LEO1: variants seen among roughly 807,000 people sequenced by gnomAD.
LEO1 encodes LEO1 component of Paf1/RNA polymerase II complex.
Under a neutral mutation model 80.4 loss-of-function variants are expected in LEO1, and 34 were observed. The ratio of observed to expected loss-of-function variants is 0.42; its 90% CI spans 0.32 to 0.56. LEO1 has a LOEUF of 0.56. Among genes scored for constraint, LEO1 ranks in the 20% least tolerant of loss-of-function variants. The pLI, the probability that LEO1 is intolerant of heterozygous loss-of-function variation, is 0.10. For synonymous variants in LEO1, 262 were observed against 274.9 expected, an observed-to-expected ratio of 0.95 and a Z score of 0.46; for missense variants, 631 against 814.2, an observed-to-expected ratio of 0.77 and a Z score of 2.74.
intron 3 of LEO1, among the ~76,000 whole-genome samples, chr15:51,962,029 T>G (rs1307391736): frequency 1.3e-5 from 2 of 151,822 alleles, no homozygotes; most frequent in African/African-American, 4.8e-5. Flanking sequence ...CCAGGCATGG[T>G]GGTACGTTCC....
intron 1 of LEO1, 34 bp from the exon 2 acceptor site, chr15:51,966,538 C>A (rs1217048253): frequency 6.3e-6 from 8 of 1,267,656 alleles, no homozygotes; most frequent in South Asian, 2.8e-5. Context: ...ATAACATAAG[C>A]AAAAAAAGGC....
At chr15:51,948,114 G>C (rs185689310) in intron 10 of LEO1, among the ~76,000 whole-genome samples, 134 of 152,296 alleles carry the variant, frequency 8.8e-4, no homozygotes, top group Admixed American at 3.3e-3. Context: ...CTTTCAAAGA[G>C]AGATGTAGAG....
intron 5 of LEO1, among the ~76,000 whole-genome samples, chr15:51,959,571 C>T (rs1266752771): frequency 6.6e-6 from 1 of 152,206 alleles, no homozygotes; most frequent in African/African-American, 2.4e-5. Context: ...ATAGCTGCTA[C>T]AGTGGACACT....
chr15:51,963,042 C>G lies in LEO1; in HGVS notation c.815-549G>C, dbSNP rs564483175. ...CTGTAATCCCAGCACTTTGAGAGGA[C>G]GAGGTGGGTGGATCACTTGAGGTCA... On this transcript the variant is annotated intron_variant, in intron 2 of 11. Transcript: ENST00000299601. Among the ~76,000 whole-genome samples, 272 of 151,914 alleles carry G rather than the reference C, an allele frequency of 1.8e-3. 1 individual carries two copies. Among genetic ancestry groups the G allele is most frequent in the Admixed American group, 0.016 (243 of 15,210 alleles).
chr15:51,957,119 G>A (rs778838645), intron 6 of LEO1, among the ~76,000 whole-genome samples: 7 of 152,054 alleles, frequency 4.6e-5, no homozygotes, highest in Non-Finnish European at 7.4e-5. Flanking sequence ...CACCATGCCC[G>A]GCCTTTGAAG....
At chr15:51,962,997 C>T (rs1173723824) in intron 2 of LEO1, among the ~76,000 whole-genome samples, 2 of 150,516 alleles carry the variant, frequency 1.3e-5, no homozygotes, top group African/African-American at 4.9e-5. Flanking sequence ...AATACTGGTG[C>T]CAGTTGTGGT....
intron 3 of LEO1, among the ~76,000 whole-genome samples, chr15:51,961,352 AGGTGGTGGTGGTGGTGGTGGT>A (rs367548538): frequency 1.0e-4 from 14 of 139,828 alleles, no homozygotes; most frequent in African/African-American, 3.7e-4. Flanking sequence ...TTATAATACC[AGGTGGTGGTGGTGGTGGTGGT>A]GGTGGTGGTG....
At chr15:51,966,821 G>A (rs2057081688) in intron 1 of LEO1, among the ~76,000 whole-genome samples, 1 of 151,862 alleles carries the variant, frequency 6.6e-6, no homozygotes, top group African/African-American at 2.4e-5. Context: ...TGAGACAGGA[G>A]AATCACTTGA....
chr15:51,951,599 C>T (rs1295758550), intron 9 of LEO1, among the ~76,000 whole-genome samples: 1 of 152,164 alleles, frequency 6.6e-6, no homozygotes. Flanking sequence ...ATATTTCAAT[C>T]ACCGGTTTGT....
chr15:51,945,262 C>CAAAAAAAACAAA (rs2056889644), intron 11 of LEO1, among the ~76,000 whole-genome samples: 1 of 80,394 alleles, frequency 1.2e-5, no homozygotes, highest in Non-Finnish European at 2.3e-5. Context: ...ACAAAAAATA[C>CAAAAAAAACAAA]AAAAAAAAAA....
At chr15:51,967,761 A>G (rs1458686888) in intron 1 of LEO1, among the ~76,000 whole-genome samples, 2 of 152,270 alleles carry the variant, frequency 1.3e-5, no homozygotes, top group Non-Finnish European at 2.9e-5. Context: ...TGCTAAAAAG[A>G]AAGACTGTCA....
chr15:51,945,262 C>CAAAAAAAAAACAAAAAAAAAAA (rs2056889701), intron 11 of LEO1, among the ~76,000 whole-genome samples: 1 of 80,394 alleles, frequency 1.2e-5, no homozygotes, highest in Non-Finnish European at 2.3e-5. Flanking sequence ...ACAAAAAATA[C>CAAAAAAAAAACAAAAAAAAAAA]AAAAAAAAAA....
rs1474330340 is a variant in LEO1, at chr15:51,949,830, G to C, written c.1776C>G (p.Asn592Lys). ...CACCTCGAATGCCCCCTTTATATCG[G>C]TTTTTAATGGCAGCCAAGCTGATGG... ...EESISLAAIK[N>K]RYKGGIREER... Residue 592 changes from asparagine (N) to lysine (K), a missense_variant, in exon 10 of 12, where the codon AAC (asparagine) becomes AAG (lysine). This residue lies in a region of LEO1 where 117 missense variants were observed against 163.5 expected (regional missense o/e 0.72). Coordinates refer to ENST00000299601, the MANE Select transcript of LEO1 (RefSeq NM_138792.4). 6.2e-7 allele frequency: 1 copy of C among 1,613,578 alleles called. No homozygotes were observed. Among genetic ancestry groups the C allele is most frequent in the African/African-American group, 1.3e-5 (1 of 74,878 alleles).
intron 2 of LEO1, among the ~76,000 whole-genome samples, chr15:51,964,402 G>A (rs2057058170): frequency 6.6e-6 from 1 of 152,034 alleles, no homozygotes; most frequent in Non-Finnish European, 1.5e-5. Flanking sequence ...GCCTGTCATG[G>A]GGTGAGGGGC....
At chr15:51,964,228 C>A (rs1026293980) in intron 2 of LEO1, among the ~76,000 whole-genome samples, 1 of 151,802 alleles carries the variant, frequency 6.6e-6, no homozygotes, top group African/African-American at 2.4e-5. Flanking sequence ...AGGATGAGTT[C>A]ATGTCCTTTG....
Position 51,954,559 on chromosome 15 carries a change from C to T in LEO1, c.1262G>A (p.Arg421Lys). The change falls in exon 7 of 12, where the codon AGA becomes AAA. Residue 421 changes from arginine to lysine, a missense_variant. By Grantham distance (26) the Arg-to-Lys change is conservative (BLOSUM62 2). Transcript: ENST00000299601. Reference sequence around the variant, plus strand: ...TTCTTCATCTCGGCGTATCCTCCATCTTATAGTATTTTCTACCTGTTTCAC... The same window carrying T: ...TTCTTCATCTCGGCGTATCCTCCATTTTATAGTATTTTCTACCTGTTTCAC... ...RLKLKVENTIRWRIRRDEEGN... is the reference protein window; with the variant it reads ...RLKLKVENTIKWRIRRDEEGN... 6.2e-7 allele frequency: 1 copy of T among 1,610,550 alleles called. No individual in the cohort carries two copies. The highest frequency in any genetic ancestry group is 8.5e-7 in the Non-Finnish European group (1 of 1,176,942).
intron 2 of LEO1, among the ~76,000 whole-genome samples, chr15:51,965,356 G>A (rs1314151264): frequency 1.3e-5 from 2 of 152,054 alleles, no homozygotes; most frequent in East Asian, 1.9e-4. Flanking sequence ...TGCTCTGTGG[G>A]GACACTTCAA....
intron 11 of LEO1, among the ~76,000 whole-genome samples, chr15:51,939,037 TAGCC>T (rs2056825183): frequency 6.6e-6 from 1 of 151,922 alleles, no homozygotes; most frequent in African/African-American, 2.4e-5. Flanking sequence ...ATACAAAAAT[TAGCC>T]AGGTGTGGTG....
Position 51,951,971 on chromosome 15 carries a change from G to C in LEO1, c.1484C>G (p.Ser495Cys). 6.2e-7 allele frequency: 1 copy of C among 1,612,558 alleles called. No homozygotes were observed. The highest frequency in any genetic ancestry group is 8.5e-7 in the Non-Finnish European group (1 of 1,179,112). ...CTTTCTATGTGTGGCACTGTCCGTA[G>C]AGTGAGGTCTGCCAGGAAATAAACG... ...FKTKLTFRPH[S>C]TDSATHRKMT... Residue 495 changes from serine (S) to cysteine (C), a missense_variant, in exon 9 of 12, where the codon TCT (serine) becomes TGT (cysteine). This residue lies in a region of LEO1 where 25 missense variants were observed against 83.5 expected (regional missense o/e 0.30). Transcript: ENST00000299601.
Sources: allele counts gnomAD v4.1 joint callset (sites outside exome capture counted in the v4.1 genomes callset), GRCh38; gene constraint gnomAD v4.1.1; regional missense constraint gnomAD v4.1.1; transcripts MANE v1.5; gene names NCBI Gene and HGNC (gene_info 2026-07-23, HGNC 2026-07-21).